Variants in TXLNG observed in about 807,000 individuals in gnomAD.
The protein encoded by TXLNG is gamma-taxilin.
A neutral mutation model predicts 38.8 loss-of-function variants in TXLNG; 5 were observed. The observed-to-expected ratio is 0.13, with a 90% CI of 0.07 to 0.27. The LOEUF is 0.27. TXLNG is among the 10% of genes least tolerant of loss of function. The pLI is 1.00. For missense variants in TXLNG, 393 were observed against 398.2 expected, an observed-to-expected ratio of 0.99 and a Z score of 0.11; for synonymous variants, 182 against 158.2, an observed-to-expected ratio of 1.15 and a Z score of -1.13.
At chrX:16,791,174 T>G (rs1485227753) in intron 1 of TXLNG, among the ~76,000 whole-genome samples, 1 of 112,000 alleles carries the variant, frequency 8.9e-6, no homozygotes, top group Non-Finnish European at 1.9e-5. Context: ...GGTGCTAATT[T>G]TGTAAATCCA....
intron 4 of TXLNG, among the ~76,000 whole-genome samples, chrX:16,829,312 G>A (rs1353486347): frequency 9.0e-6 from 1 of 111,531 alleles, no homozygotes; most frequent in Non-Finnish European, 1.9e-5. Context: ...TGTAACCGGC[G>A]AGTATTGCAG....
chrX:16,823,074 C>G (rs1288171531), intron 3 of TXLNG, among the ~76,000 whole-genome samples: 1 of 111,790 alleles, frequency 8.9e-6, no homozygotes, highest in Non-Finnish European at 1.9e-5. Context: ...TGAGTAATCT[C>G]TCTTTTATAC....
intron 3 of TXLNG, among the ~76,000 whole-genome samples, chrX:16,821,455 A>T (rs1175449959): frequency 8.9e-6 from 1 of 111,971 alleles, no homozygotes; most frequent in Admixed American, 9.4e-5. Context: ...GGCAGTTTCA[A>T]CTTGGAAACC....
chrX:16,821,640 GT>G (rs1928961525), intron 3 of TXLNG, among the ~76,000 whole-genome samples: 1 of 112,459 alleles, frequency 8.9e-6, no homozygotes, highest in Non-Finnish European at 1.9e-5. Context: ...TGTTAAAACA[GT>G]TAATTCCATA....
In TXLNG at chrX:16,843,207, CT is replaced by C. The variant is rs1247907926; in HGVS notation, c.*1442del. ...AATTGCTTACTGGACTGAATAAACT[CT>C]GTTTTGTCCAGTTAAAAGGGTTTTC... On this transcript the variant is annotated 3_prime_UTR_variant, in exon 10 of 10. Coordinates refer to ENST00000380122, the MANE Select transcript of TXLNG (RefSeq NM_018360.3). 1 of 112,469 alleles carries C rather than the reference CT, an allele frequency of 8.9e-6. No individual in the cohort carries two copies. The highest frequency in any genetic ancestry group is 1.9e-5 in the Non-Finnish European group (1 of 53,293). The allele number at this position is 112,469 out of a possible 1,213,427, so 9.3% of individuals were successfully genotyped here. A position where few individuals can be genotyped will look rare whatever the true frequency, so the allele number is the denominator to read the frequency against.
intron 1 of TXLNG, among the ~76,000 whole-genome samples, chrX:16,793,684 C>G (rs1361327400): frequency 9.2e-6 from 1 of 108,848 alleles, no homozygotes; most frequent in Non-Finnish European, 1.9e-5. Context: ...CAGGATCTCC[C>G]TGTGTTGCCC....
chrX:16,818,113 T>G (rs1375969303), intron 1 of TXLNG, among the ~76,000 whole-genome samples: 2 of 111,331 alleles, frequency 1.8e-5, no homozygotes, highest in African/African-American at 6.5e-5. Flanking sequence ...TGGGGAATAG[T>G]CCCTGGCTGG....
chrX:16,786,576 G>A lies in TXLNG; in HGVS notation c.89G>A (p.Ser30Asn). 1 of 1,069,467 alleles carries A rather than the reference G, an allele frequency of 9.4e-7. No homozygotes were observed. Among genetic ancestry groups the A allele is most frequent in the South Asian group, 2.4e-5 (1 of 41,886 alleles). The allele number at this position is 1,069,467 out of a possible 1,213,427, so 88.1% of individuals were successfully genotyped here. A position where few individuals can be genotyped will look rare whatever the true frequency, so the allele number is the denominator to read the frequency against. ...GCCGGACGGGGCGGACGGCGACGCAGCCCGCGGCAGAAGGTCAGTCAGGGG... is the reference window on the plus strand; with the variant it reads ...GCCGGACGGGGCGGACGGCGACGCAACCCGCGGCAGAAGGTCAGTCAGGGG... ...TEAGRGGRRR[S>N]PRQKFEIGTM... is the part of the protein sequence containing the mutation. The change falls in exon 1 of 10, where the codon AGC becomes AAC. Residue 30 changes from serine to asparagine, a missense_variant. Transcript: ENST00000380122.
intron 6 of TXLNG, among the ~76,000 whole-genome samples, chrX:16,833,444 GCA>G (rs1395410004): frequency 8.9e-6 from 1 of 111,955 alleles, no homozygotes; most frequent in Non-Finnish European, 1.9e-5. Context: ...CCTGACATGA[GCA>G]CAGTGTGAAG....
chrX:16,798,751 A>G (rs1927974603), intron 1 of TXLNG, among the ~76,000 whole-genome samples: 1 of 110,495 alleles, frequency 9.1e-6, no homozygotes, highest in African/African-American at 3.3e-5. Flanking sequence ...ATACAAGGCT[A>G]ATATTTTTAT....
chrX:16,801,719 A>G lies in TXLNG; in HGVS notation c.102+15130A>G, dbSNP rs755444516. ...GGGGTTGGAGGGAAAGAGATTGGCTATTTTCTCTGCTTATAAATGAGTCTA... is the reference window on the plus strand; with the variant it reads ...GGGGTTGGAGGGAAAGAGATTGGCTGTTTTCTCTGCTTATAAATGAGTCTA... On this transcript the variant is annotated intron_variant, in intron 1 of 9. Transcript: ENST00000380122. Among the ~76,000 whole-genome samples the G allele has an allele frequency of 3.6e-5, 4 of 110,419 alleles. No homozygotes were observed. The South Asian group carries it at 1.1e-3, about 32-fold the overall frequency.
At chrX:16,803,191 AC>A (rs1469305404) in intron 1 of TXLNG, 1 of 110,466 alleles carries the variant, frequency 9.1e-6, no homozygotes, top group Non-Finnish European at 1.9e-5. Context: ...CCTAAGTTTG[AC>A]CCAACAAACT....
At chrX:16,828,709 C>G (rs930407008) in intron 4 of TXLNG, among the ~76,000 whole-genome samples, 2 of 112,273 alleles carry the variant, frequency 1.8e-5, no homozygotes, top group Non-Finnish European at 1.9e-5. Context: ...CACCCCCAGC[C>G]ATTCAGTTGC....
intron 3 of TXLNG, among the ~76,000 whole-genome samples, chrX:16,821,845 T>C (rs888047535): frequency 5.8e-5 from 6 of 104,236 alleles, no homozygotes; most frequent in Non-Finnish European, 1.2e-4. Flanking sequence ...AAAAAAAAAA[T>C]TAGCCTGGCA....
At chrX:16,813,371 G>C (rs1317920720) in intron 1 of TXLNG, among the ~76,000 whole-genome samples, 3 of 110,610 alleles carry the variant, frequency 2.7e-5, no homozygotes, top group African/African-American at 9.9e-5. Context: ...GCTGCGCGTG[G>C]TGGCTCACGC....
At chrX:16,793,257 T>C (rs761828416) in intron 1 of TXLNG, among the ~76,000 whole-genome samples, 1 of 111,616 alleles carries the variant, frequency 9.0e-6, no homozygotes, top group South Asian at 3.7e-4. Context: ...TACCTCCTAG[T>C]TGAAATTCTG....
intron 1 of TXLNG, among the ~76,000 whole-genome samples, chrX:16,808,683 CGT>C (rs1371388011): frequency 1.8e-5 from 2 of 111,549 alleles, no homozygotes; most frequent in Admixed American, 1.9e-4. Context: ...CCCTTATTAA[CGT>C]GTCCTTACCA....
At chrX:16,840,652 G>A (rs1446969385) in intron 9 of TXLNG, 7 of 125,863 alleles carry the variant, frequency 5.6e-5, no homozygotes, top group Non-Finnish European at 1.1e-4. Flanking sequence ...CGTGCCTGTA[G>A]TCCCAGCTAC....
At chrX:16,812,691 CTTTTTT>C (rs55974932) in intron 1 of TXLNG, among the ~76,000 whole-genome samples, 9 of 39,466 alleles carry the variant, frequency 2.3e-4, no homozygotes, top group African/African-American at 1.1e-3. Context: ...TGCGGCCAGC[CTTTTTT>C]TTTTTTTTTT....
Sources: gnomAD v4.1 joint callset for allele counts (sites outside exome capture counted in the v4.1 genomes callset) on GRCh38, gnomAD v4.1.1 for gene constraint, MANE v1.5 for transcripts, NCBI Gene and HGNC (gene_info 2026-07-23, HGNC 2026-07-21) for gene names.